The following IQSEC1 variants were observed in gnomAD, a reference collection of about 807,000 sequenced individuals.
IQSEC1 encodes IQ motif and Sec7 domain ArfGEF 1.
Under a neutral mutation model 91.0 loss-of-function variants are expected in IQSEC1, and 31 were observed. That is an observed-to-expected ratio of 0.34 (90% CI 0.26 to 0.46). The LOEUF (loss-of-function observed/expected upper bound fraction) is 0.46, where lower values mean the gene tolerates loss of function less well. Among genes scored for constraint, IQSEC1 ranks in the 20% least tolerant of loss-of-function variants. IQSEC1 has a pLI of 1.00. For missense variants in IQSEC1, 1,388 were observed against 1,575.6 expected, an observed-to-expected ratio of 0.88 and a Z score of 2.02; for synonymous variants, 699 against 662.6, an observed-to-expected ratio of 1.05 and a Z score of -0.84.
rs537376857 is a variant in IQSEC1 at position 13,279,636 on chromosome 3, C to T, written c.272+3075G>A. Among the ~76,000 whole-genome samples the T allele has an allele frequency of 2.0e-5, 3 of 152,350 alleles. No individual in the cohort carries two copies. In the East Asian group the frequency reaches 5.8e-4, roughly 29 times the overall value. The stretch of plus-strand genomic sequence containing the variant: ...ATCCAACCCCCCTCGAGTCACTGCA[C>T]CTTCTGTCTGTGTGGCGGGCTGGGG... On this transcript the variant is annotated intron_variant, in intron 1 of 15. Coordinates refer to the IQSEC1 transcript ENST00000648114.
intron 3 of IQSEC1, among the ~76,000 whole-genome samples, chr3:12,925,358 T>G (rs1037800087): frequency 9.9e-5 from 15 of 152,104 alleles, no homozygotes; most frequent in African/African-American, 3.4e-4. Flanking sequence ...ATTCACTCAA[T>G]TCCCACTCCA....
chr3:13,158,342 T>C (rs1015814753), intron 2 of IQSEC1, among the ~76,000 whole-genome samples: 1 of 152,226 alleles, frequency 6.6e-6, no homozygotes, highest in Non-Finnish European at 1.5e-5. Context: ...GCAGTTTTCA[T>C]ACCTCCTTGT....
intron 1 of IQSEC1, among the ~76,000 whole-genome samples, chr3:13,025,948 G>A (rs909297959): frequency 6.6e-6 from 1 of 152,150 alleles, no homozygotes; most frequent in African/African-American, 2.4e-5. Context: ...CAGATCTCCA[G>A]GCCTGTCCAC....
At position 12,922,344 on chromosome 3, in the gene IQSEC1, C is replaced by G. The variant is rs1424589163; in HGVS notation, c.1731-102G>C. 2 of 1,381,970 alleles carry G rather than the reference C, an allele frequency of 1.4e-6. No homozygotes were observed. Among genetic ancestry groups the G allele is most frequent in the African/African-American group, 3.0e-5 (2 of 67,616 alleles). 85.6% of individuals were successfully genotyped at this position (1,381,970 alleles called of 1,614,324 possible). A position where few individuals can be genotyped will look rare whatever the true frequency, so the allele number is the denominator to read the frequency against. ...GCCTGAAGCCCTGGGAATGGACCGCCTCCTGGCAGGGAGAGCCCCTGCCTG... is the reference window on the plus strand; with the variant it reads ...GCCTGAAGCCCTGGGAATGGACCGCGTCCTGGCAGGGAGAGCCCCTGCCTG... On this transcript the variant is annotated intron_variant, in intron 4 of 13. Transcript: ENST00000613206. This position sits in a 1 kb window ranked among gnomAD's most constrained non-coding sequence, Gnocchi z 5.1.
At chr3:13,213,309 C>T (rs1387049460) in intron 1 of IQSEC1, among the ~76,000 whole-genome samples, 2 of 152,254 alleles carry the variant, frequency 1.3e-5, no homozygotes, top group African/African-American at 4.8e-5. Flanking sequence ...TCTTTCCCCA[C>T]TGAGCCATCT....
chr3:13,156,395 C>T (rs2124971292), intron 2 of IQSEC1, among the ~76,000 whole-genome samples: 1 of 152,256 alleles, frequency 6.6e-6, no homozygotes, highest in South Asian at 2.1e-4. Context: ...AGATCAGGAA[C>T]AAGACAAGGA....
At chr3:13,267,956 C>A (rs983551835) in intron 1 of IQSEC1, among the ~76,000 whole-genome samples, 3 of 152,208 alleles carry the variant, frequency 2.0e-5, no homozygotes, top group African/African-American at 4.8e-5. Flanking sequence ...CTGTGCCCCC[C>A]CTTAACCAGC....
In IQSEC1 at chr3:12,911,213, A is replaced by G. The variant is rs79825298; in HGVS notation, c.2416+416T>C. 4.8e-3 allele frequency among the ~76,000 whole-genome samples: 724 copies of G among 152,322 alleles called. 8 individuals are homozygous for G. The highest frequency in any genetic ancestry group is 0.017 in the African/African-American group (696 of 41,566). ...ACACAGCAGTTGAGCCAGAGCTGGG[A>G]TCTGACCCAGGCTGAGGGGCTCAGT... On this transcript the variant is annotated intron_variant, in intron 10 of 13. Coordinates refer to ENST00000613206, the MANE Select transcript of IQSEC1 (RefSeq NM_001134382.3).
At chr3:13,194,869 A>G (rs1395331633) in intron 1 of IQSEC1, among the ~76,000 whole-genome samples, 1 of 152,192 alleles carries the variant, frequency 6.6e-6, no homozygotes, top group East Asian at 1.9e-4. Flanking sequence ...ATCGGCTTAA[A>G]TGGAAAATGT....
At chr3:13,194,213 G>C (rs1245195803) in intron 1 of IQSEC1, among the ~76,000 whole-genome samples, 1 of 152,174 alleles carries the variant, frequency 6.6e-6, no homozygotes, top group Non-Finnish European at 1.5e-5. Flanking sequence ...TATGAATTTG[G>C]GGGTGTGTAA....
In IQSEC1 at chr3:13,259,828, G is replaced by A. The variant is rs1328531827; in HGVS notation, c.272+22883C>T. On this transcript the variant is annotated intron_variant, in intron 1 of 15. Coordinates refer to the IQSEC1 transcript ENST00000648114. The surrounding 1 kb of genome is among the most constrained non-coding windows in gnomAD (Gnocchi z 4.6). ...CAATGCCACCCAAGAAAAGGTCAAC[G>A]GGGCTTGCTTGTTGTGGCGCTCAGC... 1.3e-5 allele frequency among the ~76,000 whole-genome samples: 2 copies of A among 152,242 alleles called. No individual in the cohort carries two copies. The highest frequency in any genetic ancestry group is 2.4e-5 in the African/African-American group (1 of 41,460).
chr3:13,147,772 A>G (rs2124952220), intron 2 of IQSEC1, among the ~76,000 whole-genome samples: 1 of 152,326 alleles, frequency 6.6e-6, no homozygotes, highest in Non-Finnish European at 1.5e-5. Context: ...AGCTGGTACC[A>G]CAGGCGCATG....
At chr3:12,917,237 C>T (rs761337898) in intron 6 of IQSEC1, among the ~76,000 whole-genome samples, 2 of 152,140 alleles carry the variant, frequency 1.3e-5, no homozygotes, top group African/African-American at 4.8e-5. Flanking sequence ...TGAGCCTACA[C>T]GGACACATCA....
At chr3:13,122,414 G>C (rs1706440764) in intron 2 of IQSEC1, among the ~76,000 whole-genome samples, 1 of 152,184 alleles carries the variant, frequency 6.6e-6, no homozygotes, top group African/African-American at 2.4e-5. Flanking sequence ...CTGAGCACAA[G>C]AGGGGCATGG....
chr3:13,258,381 T>TA (rs1445795344), intron 1 of IQSEC1, among the ~76,000 whole-genome samples: 3 of 152,162 alleles, frequency 2.0e-5, no homozygotes, highest in Non-Finnish European at 2.9e-5. Context: ...AAAAACCTTT[T>TA]AAAAAATCTA....
At chr3:13,074,987 C>T (rs1705540532), upstream of IQSEC1, among the ~76,000 whole-genome samples, 1 of 152,170 alleles carries the variant, frequency 6.6e-6, no homozygotes, top group South Asian at 2.1e-4. Flanking sequence ...GGAGCTGCGG[C>T]CTCAGGTGGC....
chr3:13,104,285 T>G lies in IQSEC1; in HGVS notation c.303-56763A>C, dbSNP rs929765813. ...AGTCTGTTGGGGCAAATCTAGAGTA[T>G]TTCATCTGGAAATGAAGGGAAGAGA... On this transcript the variant is annotated intron_variant, in intron 2 of 15. Transcript: ENST00000648114. Among the ~76,000 whole-genome samples, 3 of 152,130 alleles carry G rather than the reference T, an allele frequency of 2.0e-5. No individual in the cohort carries two copies. In the East Asian group the frequency reaches 5.8e-4, roughly 29 times the overall value.
rs1576271288 is a variant in IQSEC1 at position 13,146,861 on chromosome 3, T to C, written c.302+17243A>G. On this transcript the variant is annotated intron_variant, in intron 2 of 15. Coordinates refer to the IQSEC1 transcript ENST00000648114. ...CTAAAAAAAAGAATAACCTTGTCAA[T>C]GTGGCAATCCTGCTCCGGGCTGCAT... 2.0e-5 allele frequency among the ~76,000 whole-genome samples: 3 copies of C among 152,146 alleles called. No homozygotes were observed. In the East Asian group the frequency reaches 5.8e-4, roughly 29 times the overall value.
At chr3:13,246,670 G>A (rs1232135695) in intron 1 of IQSEC1, among the ~76,000 whole-genome samples, 2 of 152,194 alleles carry the variant, frequency 1.3e-5, no homozygotes, top group Non-Finnish European at 2.9e-5. Flanking sequence ...CTGCTCTGTG[G>A]ATCTCCCATC....
Sources: gnomAD v4.1 joint callset for allele counts (sites outside exome capture counted in the v4.1 genomes callset) on GRCh38, gnomAD v4.1.1 for gene constraint, Gnocchi (gnomAD v3.1) non-coding constraint, MANE v1.5 for transcripts, NCBI Gene and HGNC (gene_info 2026-07-23, HGNC 2026-07-21) for gene names.